Variants in EMILIN2 observed in about 807,000 individuals in gnomAD.
EMILIN2 encodes elastin microfibril interfacer 2, also known as EMILIN-2.
Under a neutral mutation model 87.1 loss-of-function variants are expected in EMILIN2, and 71 were observed. The observed-to-expected ratio is 0.82, with a 90% CI of 0.67 to 0.99. The LOEUF (loss-of-function observed/expected upper bound fraction) is 0.99. Among genes scored for constraint, EMILIN2 ranks in the 50% least tolerant of loss-of-function variants. The pLI is 0.00. For synonymous variants in EMILIN2, 581 were observed against 563.4 expected (o/e 1.03, Z -0.44); for missense variants, 1,407 against 1,371.8 (o/e 1.03, Z -0.40).
Position 2,907,017 on chromosome 18 carries a change from C to G in EMILIN2, c.2594C>G (p.Pro865Arg). ...AGAGVSGRGLPRGVDGQTGSG... is the reference protein window; with the variant it reads ...AGAGVSGRGLRRGVDGQTGSG... ...GCAGGCGTGTCTGGGCGGGGTCTGC[C>G]GCGGGGCGTGGACGGCCAGACCGGG... Residue 865 changes from proline (P) to arginine (R), a missense_variant, in exon 5 of 8, where the codon CCG becomes CGG. By Grantham distance (103) the Pro-to-Arg change is moderately radical. Transcript: ENST00000254528. The G allele has an allele frequency of 2.3e-6, 3 of 1,322,876 alleles. No individual in the cohort carries two copies. Among genetic ancestry groups the G allele is most frequent in the African/African-American group, 1.5e-5 (1 of 65,338 alleles). 81.9% of individuals were successfully genotyped at this position (1,322,876 alleles called of 1,614,324 possible).
intron 2 of EMILIN2, among the ~76,000 whole-genome samples, chr18:2,863,037 A>G (rs2076668924): frequency 6.6e-6 from 1 of 152,168 alleles, no homozygotes; most frequent in African/African-American, 2.4e-5. Flanking sequence ...CTCTGATGGT[A>G]GTTTGTATTT....
At chr18:2,856,327 A>T (rs1353075606) in intron 2 of EMILIN2, among the ~76,000 whole-genome samples, 1 of 152,212 alleles carries the variant, frequency 6.6e-6, no homozygotes, top group East Asian at 1.9e-4. Flanking sequence ...GATTATGGTC[A>T]AAGTCAGTGC....
intron 2 of EMILIN2, among the ~76,000 whole-genome samples, chr18:2,868,374 A>G (rs528214971): frequency 1.1e-3 from 164 of 149,978 alleles, no homozygotes; most frequent in Admixed American, 3.0e-3. Flanking sequence ...ACGCAGAGAC[A>G]CTCCTCACTT....
At chr18:2,882,759 T>G (rs1473390507) in intron 2 of EMILIN2, among the ~76,000 whole-genome samples, 1 of 152,004 alleles carries the variant, frequency 6.6e-6, no homozygotes, top group African/African-American at 2.4e-5. Context: ...GGTGGGTGCC[T>G]GTAATCCCAG....
At chr18:2,911,390 A>G (rs2076940188) in intron 7 of EMILIN2, among the ~76,000 whole-genome samples, 1 of 152,152 alleles carries the variant, frequency 6.6e-6, no homozygotes, top group African/African-American at 2.4e-5. Flanking sequence ...CCAGTTAAAC[A>G]CCATTTGAAA....
intron 3 of EMILIN2, 42 bp downstream of exon 3, chr18:2,885,181 A>G: frequency 6.6e-7 from 1 of 1,516,128 alleles, no homozygotes. Flanking sequence ...CACCTTTAAT[A>G]TTTCCGGTGC....
intron 2 of EMILIN2, among the ~76,000 whole-genome samples, chr18:2,862,029 CTGTT>C (rs1490692012): frequency 6.6e-6 from 1 of 152,194 alleles, no homozygotes; most frequent in African/African-American, 2.4e-5. Context: ...ATCTGGCTCT[CTGTT>C]TGTCTGTTAT....
chr18:2,878,655 C>G (rs892125040), intron 2 of EMILIN2, among the ~76,000 whole-genome samples: 3 of 152,146 alleles, frequency 2.0e-5, no homozygotes, highest in African/African-American at 7.2e-5. Context: ...GAATTGGAGT[C>G]TTCTGGCAAT....
intron 4 of EMILIN2, among the ~76,000 whole-genome samples, chr18:2,902,265 C>T (rs2076891078): frequency 6.6e-6 from 1 of 152,164 alleles, no homozygotes; most frequent in Non-Finnish European, 1.5e-5. Context: ...TTCTTTTATT[C>T]ACCCAATACT....
rs369017222 is a variant in EMILIN2, at chr18:2,906,953, G to T, written c.2530G>T (p.Val844Phe). ...GCCCCAGCCGCCAGGCTCCACCGGG[G>T]TCATCGCGGAGACGGGCCAGGCCGG... ...RPPQPPGSTG[V>F]IAETGQAGPP... Residue 844 changes from valine (V) to phenylalanine (F), a missense_variant, in exon 5 of 8, where the codon GTC (valine) becomes TTC (phenylalanine). By Grantham distance (50) the Val-to-Phe change is conservative. Coordinates refer to ENST00000254528, the MANE Select transcript of EMILIN2 (RefSeq NM_032048.3). The T allele has an allele frequency of 4.3e-6, 6 of 1,406,044 alleles. No homozygotes were observed. The highest frequency in any genetic ancestry group is 2.6e-5 in the Admixed American group (1 of 37,820). 87.1% of individuals were successfully genotyped at this position (1,406,044 alleles called of 1,614,324 possible). A position where few individuals can be genotyped will look rare whatever the true frequency, so the allele number is the denominator to read the frequency against.
chr18:2,862,958 A>G (rs1398547438), intron 2 of EMILIN2, among the ~76,000 whole-genome samples: 2 of 152,174 alleles, frequency 1.3e-5, no homozygotes, highest in Non-Finnish European at 2.9e-5. Context: ...GGGAGGGCAT[A>G]TGTGTCAAGG....
Position 2,880,924 on chromosome 18 carries a change from A to G in EMILIN2, c.258-4040A>G, listed in dbSNP as rs1355355930. Among the ~76,000 whole-genome samples, 2 of 152,096 alleles carry G rather than the reference A, an allele frequency of 1.3e-5. No individual in the cohort carries two copies. The highest frequency in any genetic ancestry group is 2.4e-5 in the African/African-American group (1 of 41,400). On this transcript the variant is annotated intron_variant, in intron 2 of 7. Transcript: ENST00000254528. The surrounding 1 kb of genome is among the most constrained non-coding windows in gnomAD (Gnocchi z 4.1). ...AGCACCCTCCACCAATTAAGGTATA[A>G]TTTTGCTGAAAATTCCTTGGCATTT...
chr18:2,861,635 G>A (rs1642835848), intron 2 of EMILIN2, among the ~76,000 whole-genome samples: 1 of 152,174 alleles, frequency 6.6e-6, no homozygotes, highest in African/African-American at 2.4e-5. Context: ...GGTTACTGTA[G>A]CCTTGTAATA....
intron 2 of EMILIN2, among the ~76,000 whole-genome samples, chr18:2,861,057 A>G (rs991437175): frequency 2.6e-5 from 4 of 152,074 alleles, no homozygotes; most frequent in African/African-American, 4.8e-5. Context: ...GTCTGTTCAT[A>G]TCCTTTGCCA....
chr18:2,864,750 T>G (rs1338156607), intron 2 of EMILIN2, among the ~76,000 whole-genome samples: 1 of 152,130 alleles, frequency 6.6e-6, no homozygotes, highest in African/African-American at 2.4e-5. Flanking sequence ...TTTCCTGAAT[T>G]TGAATGTTGG....
At position 2,906,947 on chromosome 18, in the gene EMILIN2, A is replaced by G; in HGVS notation, c.2524A>G (p.Thr842Ala). ...GAGGCCGCCCCAGCCGCCAGGCTCC[A>G]CCGGGGTCATCGCGGAGACGGGCCA... ...EERPPQPPGS[T>A]GVIAETGQAG... Residue 842 changes from threonine (T) to alanine (A), a missense_variant, in exon 5 of 8, where the codon ACC becomes GCC. Thr to Ala is a moderately conservative substitution (Grantham distance 58). Coordinates refer to ENST00000254528, the MANE Select transcript of EMILIN2 (RefSeq NM_032048.3). The G allele has an allele frequency of 1.4e-6, 2 of 1,404,896 alleles. No homozygotes were observed. Among genetic ancestry groups the G allele is most frequent in the Non-Finnish European group, 1.9e-6 (2 of 1,077,692 alleles). 87.0% of individuals were successfully genotyped at this position (1,404,896 alleles called of 1,614,324 possible). A position where few individuals can be genotyped will look rare whatever the true frequency, so the allele number is the denominator to read the frequency against.
chr18:2,878,449 C>G (rs1598493702), intron 2 of EMILIN2, among the ~76,000 whole-genome samples: 1 of 151,662 alleles, frequency 6.6e-6, no homozygotes, highest in East Asian at 1.9e-4. Context: ...GAGATCACGC[C>G]ACTGCACTCC....
chr18:2,846,623 C>T (rs938034428), upstream of EMILIN2, among the ~76,000 whole-genome samples: 2 of 152,212 alleles, frequency 1.3e-5, no homozygotes, highest in Non-Finnish European at 2.9e-5. This position sits in a 1 kb window ranked among gnomAD's most constrained non-coding sequence, Gnocchi z 5.3. Context: ...CCTCTCCCCG[C>T]GGGACTGATA....
chr18:2,874,076 G>A (rs986553097), intron 2 of EMILIN2, among the ~76,000 whole-genome samples: 5 of 151,824 alleles, frequency 3.3e-5, no homozygotes, highest in South Asian at 2.1e-4. Flanking sequence ...TTAAAAGTCC[G>A]TTGGCCACCC....
Sources: gnomAD v4.1 joint callset for allele counts (sites outside exome capture counted in the v4.1 genomes callset) on GRCh38, gnomAD v4.1.1 for gene constraint, Gnocchi (gnomAD v3.1) non-coding constraint, MANE v1.5 for transcripts, NCBI Gene and HGNC (gene_info 2026-07-23, HGNC 2026-07-21) for gene names.